The following CDH15 variants were observed in gnomAD, a reference collection of about 807,000 sequenced individuals.
CDH15 encodes the protein cadherin-15.
Under a neutral mutation model 69.4 loss-of-function variants are expected in CDH15, and 73 were observed. That is an observed-to-expected ratio of 1.05 (90% CI 0.87 to 1.28). CDH15 has a LOEUF of 1.28. CDH15 is among the 50% of genes most tolerant of loss of function. The pLI, the probability that CDH15 is intolerant of heterozygous loss-of-function variation, is 0.00. For synonymous variants in CDH15, 624 were observed against 507.7 expected (o/e 1.23, Z -3.08); for missense variants, 1,343 against 1,133.6 (o/e 1.18, Z -2.65).
chr16:89,185,483 C>A, intron 5 of CDH15, 150 bp downstream of exon 5: 1 of 935,222 alleles, frequency 1.1e-6, no homozygotes, highest in Non-Finnish European at 1.7e-6. Context: ...GAGGAGATGG[C>A]ATGGGGTGAA....
Position 89,193,882 on chromosome 16 carries a change from G to A in CDH15, c.2120G>A (p.Ser707Asn). 2 of 1,612,172 alleles carry A rather than the reference G, an allele frequency of 1.2e-6. No individual in the cohort carries two copies. The highest frequency in any genetic ancestry group is 1.7e-6 in the Non-Finnish European group (2 of 1,179,812). Reference sequence around the variant, plus strand: ...CAGCCACCCCGAGTGCTGCCCACCAGCCCCCTGGACATCGCCGACTTCATC... The same window carrying A: ...CAGCCACCCCGAGTGCTGCCCACCAACCCCCTGGACATCGCCGACTTCATC... Reference protein sequence around the residue: ...HPQPPRVLPTSPLDIADFIND... With the variant: ...HPQPPRVLPTNPLDIADFIND... Residue 707 changes from serine to asparagine, a missense_variant, in exon 13 of 14, where the codon AGC (serine) becomes AAC (asparagine). Transcript: ENST00000289746.
At chr16:89,184,369 C>A (rs1434516503) in intron 4 of CDH15, among the ~76,000 whole-genome samples, 1 of 152,216 alleles carries the variant, frequency 6.6e-6, no homozygotes, top group Non-Finnish European at 1.5e-5. Flanking sequence ...CCGTCCTTCC[C>A]ACCCCACCTC....
intron 7 of CDH15, 132 bp from the exon 8 acceptor site, chr16:89,190,111 C>G (rs1358717193): frequency 1.8e-6 from 2 of 1,091,052 alleles, no homozygotes. Flanking sequence ...TTTGTTTTTT[C>G]AAGGTTAAAA....
intron 7 of CDH15, among the ~76,000 whole-genome samples, chr16:89,188,908 ATGCCCACACACAGG>A (rs1327478661): frequency 0.017 from 2,320 of 136,796 alleles, 28 homozygotes; most frequent in Non-Finnish European, 0.028. Context: ...CCACACACAC[ATGCCCACACACAGG>A]TGCCCACACA....
intron 6 of CDH15, 56 bp downstream of exon 6, chr16:89,187,613 C>G: frequency 1.2e-6 from 2 of 1,607,180 alleles, no homozygotes; most frequent in Non-Finnish European, 1.7e-6. Context: ...GCCTTCCCTT[C>G]TTGGGCTCCT....
intron 4 of CDH15, among the ~76,000 whole-genome samples, chr16:89,184,650 G>A (rs1002292598): frequency 2.6e-5 from 4 of 151,696 alleles, no homozygotes; most frequent in South Asian, 4.2e-4. Context: ...CTGTCCGTGC[G>A]TCCTCTGTTT....
Position 89,186,135 on chromosome 16 carries a change from T to A in CDH15, c.663+802T>A, listed in dbSNP as rs534541730. 5 of 134,612 alleles carry A rather than the reference T, an allele frequency of 3.7e-5. 1 individual carries two copies. The highest frequency in any genetic ancestry group is 1.4e-4 in the African/African-American group (5 of 34,714). The allele number at this position is 134,612 out of a possible 1,614,324, so 8.3% of individuals were successfully genotyped here. A position where few individuals can be genotyped will look rare whatever the true frequency, so the allele number is the denominator to read the frequency against. On this transcript the variant is annotated intron_variant, in intron 5 of 13. Coordinates refer to ENST00000289746, the MANE Select transcript of CDH15 (RefSeq NM_004933.3). ...AAAGGCTTACCCAGCGCACAGTAGG[T>A]GCTCTGTAAACGCTTACCCAGCACA...
intron 9 of CDH15, 52 bp downstream of exon 9, chr16:89,191,524 A>T: frequency 6.3e-7 from 1 of 1,599,042 alleles, no homozygotes; most frequent in Non-Finnish European, 8.5e-7. Context: ...GTCCCGGCTG[A>T]GCACCCCTGC....
At chr16:89,172,054 G>A (rs1424629505) in intron 1 of CDH15, among the ~76,000 whole-genome samples, 181 bp downstream of exon 1, 1 of 152,094 alleles carries the variant, frequency 6.6e-6, no homozygotes, top group African/African-American at 2.4e-5. Context: ...GGGGTTGTGG[G>A]GAGTGAGTGT....
intron 1 of CDH15, among the ~76,000 whole-genome samples, chr16:89,174,268 C>G (rs1040567225): frequency 3.3e-5 from 5 of 152,326 alleles, no homozygotes; most frequent in Admixed American, 3.3e-4. Flanking sequence ...GCCTGGCCAT[C>G]CAGGAACGGG....
chr16:89,180,207 C>T lies in CDH15; in HGVS notation c.209C>T (p.Ser70Leu). The change falls in exon 3 of 14, where the codon TCG (serine) becomes TTG (leucine). Residue 70 changes from serine to leucine, a missense_variant. Transcript: ENST00000289746. ...CCATTTCCTGCCCCACAGATCAAGT[C>T]GGACAAGCAGCAGCTGGGCAGCGTC... ...RLPYPLVQIKSDKQQLGSVIY... is the reference protein window; with the variant it reads ...RLPYPLVQIKLDKQQLGSVIY... The T allele has an allele frequency of 1.2e-6, 2 of 1,610,820 alleles. No individual in the cohort carries two copies. Among genetic ancestry groups the T allele is most frequent in the Non-Finnish European group, 8.5e-7 (1 of 1,179,208 alleles).
chr16:89,173,198 G>T (rs1030139657), intron 1 of CDH15, among the ~76,000 whole-genome samples: 3 of 152,192 alleles, frequency 2.0e-5, no homozygotes, highest in African/African-American at 7.2e-5. Flanking sequence ...CCCTCTGCCG[G>T]GGAGCGCAGG....
chr16:89,178,772 C>T (rs931168328), intron 1 of CDH15, among the ~76,000 whole-genome samples: 23 of 152,340 alleles, frequency 1.5e-4, no homozygotes, highest in Non-Finnish European at 3.2e-4. Context: ...GCTGAACTCT[C>T]GCATCCCGGG....
Position 89,188,220 on chromosome 16 carries a change from C to T in CDH15, c.913C>T (p.Pro305Ser). Reference sequence around the variant, plus strand: ...CAGGTTCACCATCCTGGAAGGCGACCCCGATGGGCAGTTCACCATCCGCAC... The same window carrying T: ...CAGGTTCACCATCCTGGAAGGCGACTCCGATGGGCAGTTCACCATCCGCAC... ...VARFTILEGD[P>S]DGQFTIRTDP... Residue 305 changes from proline (P) to serine (S), a missense_variant, in exon 7 of 14, where the codon CCC becomes TCC. Physicochemically the swap from Pro to Ser is moderately conservative, Grantham distance 74. Coordinates refer to ENST00000289746, the MANE Select transcript of CDH15 (RefSeq NM_004933.3). 1 of 1,613,476 alleles carries T rather than the reference C, an allele frequency of 6.2e-7. No individual in the cohort carries two copies. The highest frequency in any genetic ancestry group is 8.5e-7 in the Non-Finnish European group (1 of 1,179,926).
intron 11 of CDH15, 57 bp from the exon 12 acceptor site, chr16:89,193,413 G>C: frequency 1.3e-6 from 1 of 782,304 alleles, no homozygotes; most frequent in Non-Finnish European, 1.8e-6. Context: ...TTCGCAGCCC[G>C]GCCCCCTGAA....
chr16:89,176,119 G>A (rs1356379396), intron 1 of CDH15, among the ~76,000 whole-genome samples: 6 of 152,216 alleles, frequency 3.9e-5, no homozygotes, highest in East Asian at 1.9e-4. Context: ...ATGGGGGTTC[G>A]GCCTGACAGG....
At chr16:89,187,603 G>A in intron 6 of CDH15, 46 bp downstream of exon 6, 3 of 1,610,852 alleles carry the variant, frequency 1.9e-6, no homozygotes, top group South Asian at 1.1e-5. Context: ...GCTTAGAGCT[G>A]CCTTCCCTTC....
At chr16:89,177,818 C>G (rs939948892) in intron 1 of CDH15, among the ~76,000 whole-genome samples, 23 of 152,246 alleles carry the variant, frequency 1.5e-4, no homozygotes, top group African/African-American at 5.3e-4. Context: ...CAGCTTCCAC[C>G]AGGCTGTGCT....
intron 7 of CDH15, among the ~76,000 whole-genome samples, chr16:89,188,922 G>T (rs983850034): frequency 1.3e-5 from 1 of 77,996 alleles, no homozygotes; most frequent in Non-Finnish European, 2.6e-5. Flanking sequence ...CCACACACAG[G>T]TGCCCACACA....
Sources: allele counts gnomAD v4.1 joint callset (sites outside exome capture counted in the v4.1 genomes callset), GRCh38; gene constraint gnomAD v4.1.1; transcripts MANE v1.5; gene names NCBI Gene and HGNC (gene_info 2026-07-23, HGNC 2026-07-21).